IL2RA: variants seen among roughly 807,000 people sequenced by gnomAD.
The protein encoded by IL2RA is interleukin-2 receptor subunit alpha.
In IL2RA, 24 loss-of-function variants were observed where a neutral mutation model predicts 37.8. The observed-to-expected ratio is 0.63, with a 90% CI of 0.46 to 0.89. The LOEUF (loss-of-function observed/expected upper bound fraction) is 0.89. IL2RA is among the 40% of genes least tolerant of loss of function. The pLI is 0.00. For missense variants in IL2RA, 319 were observed against 348.6 expected (o/e 0.92, Z 0.68); for synonymous variants, 125 against 114.6 (o/e 1.09, Z -0.58).
rs7921824 is a variant in IL2RA, at chr10:6,045,866, C to G, written c.64+16222G>C. ...GTATAACTTACAGGTAGAAACTTGA[C>G]AAGAGGGAAACAGAAAAGAAGGAAA... On this transcript the variant is annotated intron_variant, in intron 1 of 7. Coordinates refer to ENST00000379959, the MANE Select transcript of IL2RA (RefSeq NM_000417.3). Among the ~76,000 whole-genome samples, 679 of 152,116 alleles carry G rather than the reference C, an allele frequency of 4.5e-3. 4 individuals are homozygous for G. The highest frequency in any genetic ancestry group is 0.015 in the African/African-American group (639 of 41,484).
At position 6,047,150 on chromosome 10, in the gene IL2RA, C is replaced by G. The variant is rs923492945; in HGVS notation, c.64+14938G>C. 6.6e-6 allele frequency among the ~76,000 whole-genome samples: 1 copy of G among 152,192 alleles called. No homozygotes were observed. The highest frequency in any genetic ancestry group is 2.4e-5 in the African/African-American group (1 of 41,448). Reference sequence around the variant, plus strand: ...CTGCATGCCCTGCGCATGCCCTAACCCTGAGGAGGTGCTGAACCCTTGCTG... The same window carrying G: ...CTGCATGCCCTGCGCATGCCCTAACGCTGAGGAGGTGCTGAACCCTTGCTG... On this transcript the variant is annotated intron_variant, in intron 1 of 7. Coordinates refer to ENST00000379959, the MANE Select transcript of IL2RA (RefSeq NM_000417.3). The surrounding 1 kb of genome is among the most constrained non-coding windows in gnomAD (Gnocchi z 5.0).
rs1187843191 is a variant in IL2RA, at chr10:6,048,739, C to T, written c.64+13349G>A. Among the ~76,000 whole-genome samples, 1 of 152,212 alleles carries T rather than the reference C, an allele frequency of 6.6e-6. No individual in the cohort carries two copies. The highest frequency in any genetic ancestry group is 1.5e-5 in the Non-Finnish European group (1 of 68,044). ...CAGTGCTTTCTCTTCTTCCTTCATT[C>T]TTCACATAAACCCAATGCTGTCTCT... On this transcript the variant is annotated intron_variant, in intron 1 of 7. Transcript: ENST00000379959. This position sits in a 1 kb window ranked among gnomAD's most constrained non-coding sequence, Gnocchi z 5.3.
chr10:6,025,316 C>T lies in IL2RA; in HGVS notation c.256+518G>A, dbSNP rs966371417. 4.2e-4 allele frequency among the ~76,000 whole-genome samples: 63 copies of T among 151,658 alleles called. No individual in the cohort carries two copies. The highest frequency in any genetic ancestry group is 1.2e-3 in the African/African-American group (50 of 41,358). On this transcript the variant is annotated intron_variant, in intron 2 of 7. Transcript: ENST00000379959. The surrounding 1 kb of genome is among the most constrained non-coding windows in gnomAD (Gnocchi z 4.4). ...TTGCAGTGATCTGAGATTGTACCAC[C>T]GCACCCCAGCCTGGGCAACAGAGCG...
chr10:6,032,031 A>G (rs1443410839), intron 1 of IL2RA, among the ~76,000 whole-genome samples: 1 of 152,230 alleles, frequency 6.6e-6, no homozygotes, highest in Non-Finnish European at 1.5e-5. Flanking sequence ...AAGTCCTGAA[A>G]TGGACTCAAC....
chr10:6,042,147 G>GAAAAAAAAAAAA (rs1564549478), intron 1 of IL2RA, among the ~76,000 whole-genome samples: 4 of 1,208 alleles, frequency 3.3e-3, no homozygotes, highest in Non-Finnish European at 9.0e-3. Flanking sequence ...AATGTATTAA[G>GAAAAAAAAAAAA]CAAAAAAAAA....
rs983252219 is a variant in IL2RA at position 6,025,934 on chromosome 10, C to T, written c.156G>A (p.Lys52=). 6.2e-7 allele frequency: 1 copy of T among 1,614,210 alleles called. No homozygotes were observed. Among genetic ancestry groups the T allele is most frequent in the South Asian group, 1.1e-5 (1 of 91,088 alleles). Reference sequence around the variant, plus strand: ...CGCTTTTTATTCTGCGGAAACCTCTCTTGCATTCACAGTTCAACATGGTTC... The same window carrying T: ...CGCTTTTTATTCTGCGGAAACCTCTTTTGCATTCACAGTTCAACATGGTTC... The part of the protein sequence containing the change: ...KEGTMLNCEC[K]RGFRRIKSGS... The change falls in exon 2 of 8, where the codon AAG becomes AAA. Residue 52 remains lysine (K), a synonymous_variant. Coordinates refer to ENST00000379959, the MANE Select transcript of IL2RA (RefSeq NM_000417.3). The surrounding 1 kb of genome is among the most constrained non-coding windows in gnomAD (Gnocchi z 4.4).
chr10:6,013,323 T>C (rs1839222119), intron 7 of IL2RA, among the ~76,000 whole-genome samples: 1 of 152,236 alleles, frequency 6.6e-6, no homozygotes, highest in African/African-American at 2.4e-5. Flanking sequence ...ACGCTTGAAA[T>C]GTGGCTAGTG....
chr10:6,047,524 C>T lies in IL2RA; in HGVS notation c.64+14564G>A, dbSNP rs568013212. 6.6e-6 allele frequency among the ~76,000 whole-genome samples: 1 copy of T among 152,322 alleles called. No homozygotes were observed. The highest frequency in any genetic ancestry group is 1.9e-4 in the East Asian group (1 of 5,190). ...GACGCAACACACTGCATGCCGAACA[C>T]ACAGGAGAGCTCACACGCACAAATG... On this transcript the variant is annotated intron_variant, in intron 1 of 7. Transcript: ENST00000379959. This position sits in a 1 kb window ranked among gnomAD's most constrained non-coding sequence, Gnocchi z 5.0.
At chr10:6,019,607 G>T in intron 5 of IL2RA, 108 bp from the exon 6 acceptor site, 1 of 884,350 alleles carries the variant, frequency 1.1e-6, no homozygotes, top group East Asian at 2.4e-5. Context: ...AGAGGCTGGT[G>T]GGAGACACGT....
At position 6,029,661 on chromosome 10, in the gene IL2RA, T is replaced by C. The variant is rs1839545258; in HGVS notation, c.65-3636A>G. 6.6e-6 allele frequency among the ~76,000 whole-genome samples: 1 copy of C among 152,120 alleles called. No homozygotes were observed. The highest frequency in any genetic ancestry group is 2.1e-4 in the South Asian group (1 of 4,830). On this transcript the variant is annotated intron_variant, in intron 1 of 7. Transcript: ENST00000379959. The surrounding 1 kb of genome is among the most constrained non-coding windows in gnomAD (Gnocchi z 4.6). Reference sequence around the variant, plus strand: ...ACTGCTAATTTAAAGAAAAAATGGTTATAATGAGTGAAACAACAGGATATC... The same window carrying C: ...ACTGCTAATTTAAAGAAAAAATGGTCATAATGAGTGAAACAACAGGATATC...
intron 2 of IL2RA, 133 bp from the exon 3 acceptor site, chr10:6,024,487 G>A (rs1839446586): frequency 8.3e-6 from 6 of 719,010 alleles, no homozygotes; most frequent in Non-Finnish European, 1.5e-5. Context: ...TGGCTGCTGA[G>A]CTTACAAATA....
intron 3 of IL2RA, among the ~76,000 whole-genome samples, chr10:6,023,100 C>T (rs1839414967): frequency 6.6e-6 from 1 of 152,210 alleles, no homozygotes; most frequent in Non-Finnish European, 1.5e-5. Flanking sequence ...TCCAGCCCTA[C>T]TATGTGAGCT....
At position 6,058,611 on chromosome 10, in the gene IL2RA, A is replaced by G. The variant is rs535473469; in HGVS notation, c.64+3477T>C. 6.6e-6 allele frequency among the ~76,000 whole-genome samples: 1 copy of G among 152,356 alleles called. No individual in the cohort carries two copies. The highest frequency in any genetic ancestry group is 2.1e-4 in the South Asian group (1 of 4,832). On this transcript the variant is annotated intron_variant, in intron 1 of 7. Transcript: ENST00000379959. The surrounding 1 kb of genome is among the most constrained non-coding windows in gnomAD (Gnocchi z 4.2). Reference sequence around the variant, plus strand: ...GAAGATGGGAAATTCCATTGTGGGCAGTTGTCTTTACAAGAATGGATAATT... The same window carrying G: ...GAAGATGGGAAATTCCATTGTGGGCGGTTGTCTTTACAAGAATGGATAATT...
intron 1 of IL2RA, among the ~76,000 whole-genome samples, chr10:6,031,250 T>A (rs896556815): frequency 1.3e-5 from 2 of 151,342 alleles, no homozygotes; most frequent in Non-Finnish European, 2.9e-5. Flanking sequence ...ATAAAAATGA[T>A]GGGTTGAGAA....
In IL2RA at chr10:6,018,118, C is replaced by T. The variant is rs74162100; in HGVS notation, c.729G>A (p.Val243=). The change falls in exon 7 of 8, where the codon GTG becomes GTA. Residue 243 remains valine, a splice_region_variant and synonymous_variant. Coordinates refer to ENST00000379959, the MANE Select transcript of IL2RA (RefSeq NM_000417.3). The surrounding 1 kb of genome is among the most constrained non-coding windows in gnomAD (Gnocchi z 5.1). ...SIFTTEYQVA[V]AGCVFLLISV... ...TGATCAGCAGGAAAACACAGCCGGC[C>T]ACTGTCAATAGAGAGAGGGAGTTCA... is the stretch of plus-strand genomic sequence containing the variant. 36 of 1,613,714 alleles carry T rather than the reference C, an allele frequency of 2.2e-5. No homozygotes were observed. Among genetic ancestry groups the T allele is most frequent in the Non-Finnish European group, 3.0e-5 (35 of 1,179,804 alleles).
rs921654966 is a variant in IL2RA, at chr10:6,015,544, A to C, written c.794+2509T>G. On this transcript the variant is annotated intron_variant, in intron 7 of 7. Transcript: ENST00000379959. This position sits in a 1 kb window ranked among gnomAD's most constrained non-coding sequence, Gnocchi z 4.9. ...AGAAACTCCACAGGTGGGACCCAGC[A>C]ATCTGTGCTTTAACAAGGCCTCCAG... Among the ~76,000 whole-genome samples, 5 of 152,226 alleles carry C rather than the reference A, an allele frequency of 3.3e-5. No individual in the cohort carries two copies. The highest frequency in any genetic ancestry group is 5.9e-5 in the Non-Finnish European group (4 of 68,032).
chr10:6,026,354 G>T (rs921814436), intron 1 of IL2RA, among the ~76,000 whole-genome samples: 1 of 152,230 alleles, frequency 6.6e-6, no homozygotes, highest in Non-Finnish European at 1.5e-5. Flanking sequence ...GTGAAGAAAG[G>T]AAGAAGCAAA....
chr10:6,040,293 T>G (rs1315424588), intron 1 of IL2RA, among the ~76,000 whole-genome samples: 2 of 152,164 alleles, frequency 1.3e-5, no homozygotes, highest in Non-Finnish European at 2.9e-5. Flanking sequence ...AACGAGGAAA[T>G]AGAGTTTCTT....
Position 6,012,863 on chromosome 10 carries a change from T to C in IL2RA, c.*9A>G. On this transcript the variant is annotated 3_prime_UTR_variant, in exon 8 of 8. Transcript: ENST00000379959. This position sits in a 1 kb window ranked among gnomAD's most constrained non-coding sequence, Gnocchi z 4.8. ...CTTCTTACCAAGAAATTCTTGTTCT[T>C]TTGGTTTTCTAGATTGTTCTTCTAC... 1 of 1,613,694 alleles carries C rather than the reference T, an allele frequency of 6.2e-7. No homozygotes were observed. The highest frequency in any genetic ancestry group is 2.2e-5 in the East Asian group (1 of 44,888).
Sources: allele counts gnomAD v4.1 joint callset (sites outside exome capture counted in the v4.1 genomes callset), GRCh38; gene constraint gnomAD v4.1.1; non-coding constraint Gnocchi (gnomAD v3.1); transcripts MANE v1.5; gene names NCBI Gene and HGNC (gene_info 2026-07-23, HGNC 2026-07-21).